SYT12: variants seen among roughly 807,000 people sequenced by gnomAD.
SYT12 encodes synaptotagmin 12.
Under a neutral mutation model 39.5 loss-of-function variants are expected in SYT12, and 27 were observed. The ratio of observed to expected loss-of-function variants is 0.68; its 90% CI spans 0.50 to 0.94. The LOEUF (loss-of-function observed/expected upper bound fraction) is 0.94. Among genes scored for constraint, SYT12 ranks in the 40% least tolerant of loss-of-function variants. The probability of loss-of-function intolerance (pLI) is 0.00; values close to 1 mark genes in which losing one functional copy is unlikely to be tolerated. For synonymous variants in SYT12, 233 were observed against 239.7 expected (o/e 0.97, Z 0.26); for missense variants, 536 against 572.6 (o/e 0.94, Z 0.65).
chr11:67,035,828 TCC>T (rs1363180905), intron 3 of SYT12, among the ~76,000 whole-genome samples: 12 of 98,012 alleles, frequency 1.2e-4, no homozygotes, highest in African/African-American at 4.8e-4. Flanking sequence ...CTTCCTTCCT[TCC>T]TTCCTTCCTT....
rs998694910 is a variant in SYT12 at position 67,044,826 on chromosome 11, G to T, written c.958+113G>T. On this transcript the variant is annotated intron_variant, in intron 6 of 7. Coordinates refer to ENST00000527043, the MANE Select transcript of SYT12 (RefSeq NM_177963.4). The stretch of plus-strand genomic sequence containing the variant: ...GGCAGGTGTGGGACACAGTGCCAAG[G>T]TCCCCCTCAGCTTTGCTGAGCCCAG... 9 of 1,486,758 alleles carry T rather than the reference G, an allele frequency of 6.1e-6. No homozygotes were observed. The African/African-American group carries it at 9.7e-5, about 16-fold the overall frequency. 92.1% of individuals were successfully genotyped at this position (1,486,758 alleles called of 1,614,324 possible). A position where few individuals can be genotyped will look rare whatever the true frequency, so the allele number is the denominator to read the frequency against.
intron 3 of SYT12, among the ~76,000 whole-genome samples, chr11:67,035,509 G>C (rs981323370): frequency 7.0e-6 from 1 of 142,394 alleles, no homozygotes; most frequent in Non-Finnish European, 1.5e-5. Flanking sequence ...CCAGGCTGGA[G>C]TGCAGTGGGG....
rs1430048242 is a variant in SYT12 at position 67,023,147 on chromosome 11, AC to A, written c.-333del. Among the ~76,000 whole-genome samples, 6 of 152,040 alleles carry A rather than the reference AC, an allele frequency of 3.9e-5. No homozygotes were observed. Among genetic ancestry groups the A allele is most frequent in the Admixed American group, 3.9e-4 (6 of 15,276 alleles). Reference sequence around the variant, plus strand: ...ACGCGCTTGGGGATCTCCGGCTCGGACCCCAGGAGCAGAGACAGCGCTCGAG... The same window carrying A: ...ACGCGCTTGGGGATCTCCGGCTCGGACCCAGGAGCAGAGACAGCGCTCGAG... On this transcript the variant is annotated 5_prime_UTR_variant, in exon 1 of 8. Coordinates refer to ENST00000527043, the MANE Select transcript of SYT12 (RefSeq NM_177963.4).
At position 67,048,715 on chromosome 11, in the gene SYT12, G is replaced by A; in HGVS notation, c.1224G>A (p.Leu408=). 6.2e-7 allele frequency: 1 copy of A among 1,608,684 alleles called. No homozygotes were observed. Residue 408 remains leucine, a synonymous_variant, in exon 8 of 8, where the codon CTG becomes CTA. Transcript: ENST00000527043. ...TTHWNQMLAT[L]RRPVSMWHAV... is the part of the protein sequence containing the mutation. ...ATTGGAACCAGATGTTGGCCACGCT[G>A]CGCAGGCCCGTGTCCATGTGGCACG...
chr11:67,047,777 CTTTTTTTTTTTTT>C (rs1173796349), intron 7 of SYT12, among the ~76,000 whole-genome samples: 2 of 76,032 alleles, frequency 2.6e-5, no homozygotes, highest in African/African-American at 6.3e-5. Context: ...ACCCCCATCT[CTTTTTTTTTTTTT>C]TTTTTTTTTT....
intron 1 of SYT12, among the ~76,000 whole-genome samples, chr11:67,009,366 T>C (rs1445666753): frequency 2.0e-5 from 3 of 151,680 alleles, no homozygotes; most frequent in African/African-American, 7.3e-5. Flanking sequence ...CGATCTTGGC[T>C]CTGCAACCTG....
chr11:67,041,579 G>A (rs1190880729), intron 4 of SYT12, among the ~76,000 whole-genome samples: 3 of 152,228 alleles, frequency 2.0e-5, no homozygotes, highest in Non-Finnish European at 4.4e-5. Context: ...TACCCTGGAA[G>A]GGCGTAACAG....
chr11:67,043,872 C>A lies in SYT12; in HGVS notation c.837+19C>A. On this transcript the variant is annotated intron_variant, in intron 5 of 7. Transcript: ENST00000527043. ...GAACAAGGTAAGTGACTTGCCTGCT[C>A]GTCCACCTCGGAAGAGCGTGCACAC... 1.2e-6 allele frequency: 2 copies of A among 1,611,064 alleles called. No homozygotes were observed. Among genetic ancestry groups the A allele is most frequent in the South Asian group, 2.2e-5 (2 of 90,890 alleles).
intron 2 of SYT12, among the ~76,000 whole-genome samples, chr11:67,010,350 G>A (rs1445708248): frequency 6.6e-6 from 1 of 152,188 alleles, no homozygotes; most frequent in Non-Finnish European, 1.5e-5. Flanking sequence ...TCTGGAGCGA[G>A]CCACCTTGCC....
upstream of SYT12, among the ~76,000 whole-genome samples, chr11:67,019,896 C>CAA (rs71461631): frequency 1.4e-3 from 159 of 116,614 alleles, no homozygotes; most frequent in East Asian, 3.3e-3. Flanking sequence ...GACCCTGTCT[C>CAA]AAAAAAAAAA....
intron 6 of SYT12, 52 bp from the exon 7 acceptor site, chr11:67,045,692 G>A: frequency 1.2e-6 from 2 of 1,601,154 alleles, no homozygotes; most frequent in Middle Eastern, 1.7e-4. Context: ...AACTGGGCAG[G>A]GCTGTGGTGA....
Position 67,039,953 on chromosome 11 carries a change from C to G in SYT12, c.371C>G (p.Pro124Arg), listed in dbSNP as rs199646959. 1.8e-5 allele frequency: 29 copies of G among 1,613,732 alleles called. No homozygotes were observed. The East Asian group carries it at 4.2e-4, about 24-fold the overall frequency. ...ATGGGCCGGGAGTTGGACCTGGCCCCCTATGGGACCCTCCGGAAGTCCCAG... is the reference window on the plus strand; with the variant it reads ...ATGGGCCGGGAGTTGGACCTGGCCCGCTATGGGACCCTCCGGAAGTCCCAG... ...ELMGRELDLA[P>R]YGTLRKSQSA... The change falls in exon 4 of 8, where the codon CCC becomes CGC. Residue 124 changes from proline to arginine, a missense_variant. Transcript: ENST00000527043.
intron 3 of SYT12, among the ~76,000 whole-genome samples, chr11:67,016,918 G>C (rs372705523): frequency 1.3e-5 from 2 of 152,338 alleles, no homozygotes; most frequent in South Asian, 4.1e-4. Context: ...CGCTGTTGAG[G>C]ATTACATGAG....
At chr11:67,045,463 G>A (rs553963625) in intron 6 of SYT12, among the ~76,000 whole-genome samples, 13 of 152,332 alleles carry the variant, frequency 8.5e-5, no homozygotes, top group South Asian at 2.1e-4. Flanking sequence ...GAAGGAACAC[G>A]GTGGGGCTGC....
At chr11:67,041,024 T>A (rs1272385361) in intron 4 of SYT12, among the ~76,000 whole-genome samples, 4 of 151,578 alleles carry the variant, frequency 2.6e-5, no homozygotes, top group Non-Finnish European at 5.9e-5. Flanking sequence ...TAAAATAAAT[T>A]AGCTGGCTGT....
intron 3 of SYT12, among the ~76,000 whole-genome samples, chr11:67,038,225 G>T (rs143536844): frequency 6.6e-6 from 1 of 151,392 alleles, no homozygotes; most frequent in Non-Finnish European, 1.5e-5. Context: ...GGAGTGCAGC[G>T]GCGCAATCTC....
At chr11:67,048,501 G>T in intron 7 of SYT12, 83 bp from the exon 8 acceptor site, 2 of 1,491,822 alleles carry the variant, frequency 1.3e-6, no homozygotes, top group South Asian at 2.5e-5. Context: ...ACTGGGGCCT[G>T]ACATTTGTAA....
chr11:67,046,379 T>C (rs1854551715), intron 7 of SYT12, among the ~76,000 whole-genome samples: 1 of 152,180 alleles, frequency 6.6e-6, no homozygotes, highest in African/African-American at 2.4e-5. Flanking sequence ...AGATAGGGCT[T>C]GGGCCCTGCT....
intron 2 of SYT12, chr11:67,031,619 C>G (rs754737735): frequency 5.3e-5 from 8 of 152,210 alleles, no homozygotes; most frequent in Non-Finnish European, 8.8e-5. Context: ...CGCCTAGACC[C>G]CACTTCCAAT....
Sources: allele counts gnomAD v4.1 joint callset (sites outside exome capture counted in the v4.1 genomes callset), GRCh38; gene constraint gnomAD v4.1.1; transcripts MANE v1.5; gene names NCBI Gene and HGNC (gene_info 2026-07-23, HGNC 2026-07-21).